MYO16: variants seen among roughly 807,000 people sequenced by gnomAD.
The protein encoded by MYO16 is myosin XVI.
MYO16 carries 94 observed loss-of-function variants against 205.3 expected under a neutral mutation model. That is an observed-to-expected ratio of 0.46 (90% CI 0.39 to 0.54). The LOEUF is 0.54. MYO16 is among the 20% of genes least tolerant of loss of function. The pLI, the probability that MYO16 is intolerant of heterozygous loss-of-function variation, is 0.00. For missense variants in MYO16, 2,315 were observed against 2,387.5 expected (o/e 0.97, Z 0.63); for synonymous variants, 988 against 954.0 (o/e 1.04, Z -0.66).
At chr13:108,819,520 A>G (rs196168) in intron 7 of MYO16, among the ~76,000 whole-genome samples, 141,174 of 152,162 alleles carry the variant, frequency 0.93, 66,453 homozygotes, top group East Asian at 1. Context: ...ATAGAGAGAA[A>G]CATAGTTTTG....
intron 4 of MYO16, among the ~76,000 whole-genome samples, chr13:108,780,275 A>G (rs1886259468): frequency 6.6e-6 from 1 of 151,944 alleles, no homozygotes; most frequent in East Asian, 1.9e-4. Flanking sequence ...ATTTTTTTCA[A>G]ATGTTGGGAA....
rs200290757 is a variant in MYO16 at position 108,635,662 on chromosome 13, G to A, written c.28+5790G>A. Reference sequence around the variant, plus strand: ...ACTACGGGTGCGTGCCACCACACTCGGCTAATTTTTTATTTTTAGTAGAGA... The same window carrying A: ...ACTACGGGTGCGTGCCACCACACTCAGCTAATTTTTTATTTTTAGTAGAGA... On this transcript the variant is annotated intron_variant, in intron 1 of 34. Transcript: ENST00000457511. 1.4e-4 allele frequency among the ~76,000 whole-genome samples: 21 copies of A among 151,772 alleles called. No individual in the cohort carries two copies. In the East Asian group the frequency reaches 2.7e-3, roughly 20 times the overall value.
rs574983014 is a variant in MYO16, at chr13:108,622,390, T to C, written c.-39+26151T>C. Among the ~76,000 whole-genome samples the C allele has an allele frequency of 7.2e-5, 11 of 152,032 alleles. No individual in the cohort carries two copies. The East Asian group carries it at 1.9e-3, about 27-fold the overall frequency. ...GAACCTCAACCAGGTGACCTGACCTTTAGGGAGTGACAGATACAGGATTCA... is the reference window on the plus strand; with the variant it reads ...GAACCTCAACCAGGTGACCTGACCTCTAGGGAGTGACAGATACAGGATTCA... On this transcript the variant is annotated intron_variant, in intron 1 of 24. Coordinates refer to the MYO16 transcript ENST00000251041.
chr13:108,680,330 A>G (rs1290930056), intron 2 of MYO16, among the ~76,000 whole-genome samples: 4 of 152,188 alleles, frequency 2.6e-5, no homozygotes, highest in Non-Finnish European at 5.9e-5. Flanking sequence ...GCAAATTAAC[A>G]TAAGATGTCA....
chr13:108,881,343 A>T (rs1252404595), intron 12 of MYO16, among the ~76,000 whole-genome samples: 2 of 152,200 alleles, frequency 1.3e-5, no homozygotes, highest in Non-Finnish European at 2.9e-5. Context: ...GGGAGAAACC[A>T]GAGCAGAAAA....
intron 16 of MYO16, among the ~76,000 whole-genome samples, chr13:108,955,225 C>T (rs1421229948): frequency 6.6e-6 from 1 of 152,218 alleles, no homozygotes; most frequent in Non-Finnish European, 1.5e-5. Context: ...GGCAGACCTT[C>T]CCTGTGCACC....
At chr13:108,848,620 C>A (rs1352555414) in intron 10 of MYO16, among the ~76,000 whole-genome samples, 1 of 151,996 alleles carries the variant, frequency 6.6e-6, no homozygotes, top group Admixed American at 6.6e-5. Flanking sequence ...GGCAACATAG[C>A]AAAACCCCAT....
chr13:108,873,082 A>G (rs968296799), intron 12 of MYO16, among the ~76,000 whole-genome samples: 1 of 152,088 alleles, frequency 6.6e-6, no homozygotes, highest in Non-Finnish European at 1.5e-5. Context: ...ATTCATTAAA[A>G]CGATCTTGTT....
intron 34 of MYO16, among the ~76,000 whole-genome samples, chr13:109,195,839 TTAA>T (rs1880131131): frequency 6.6e-6 from 1 of 152,182 alleles, no homozygotes; most frequent in South Asian, 2.1e-4. Flanking sequence ...TTTACATTTA[TTAA>T]TATGATCCAC....
At chr13:108,629,315 A>T (rs1378293497), upstream of MYO16, 2 of 152,412 alleles carry the variant, frequency 1.3e-5, no homozygotes, top group Admixed American at 1.3e-4. Context: ...GCAACTAAAA[A>T]TAATCCGCTT....
intron 27 of MYO16, among the ~76,000 whole-genome samples, chr13:109,080,306 A>G (rs1183429302): frequency 6.6e-6 from 1 of 152,226 alleles, no homozygotes; most frequent in Non-Finnish European, 1.5e-5. Context: ...TCTCTGTACA[A>G]AAATTAACAT....
At chr13:109,081,551 G>A (rs1287894656) in intron 27 of MYO16, among the ~76,000 whole-genome samples, 1 of 152,184 alleles carries the variant, frequency 6.6e-6, no homozygotes, top group African/African-American at 2.4e-5. Context: ...AGAGAAAAGA[G>A]TACTTAAGTG....
intron 16 of MYO16, among the ~76,000 whole-genome samples, chr13:108,957,383 CAAAAA>C (rs33954239): frequency 2.1e-5 from 2 of 96,940 alleles, no homozygotes; most frequent in Non-Finnish European, 3.8e-5. Context: ...AACTCCATCT[CAAAAA>C]AAAAAAAAAA....
intron 21 of MYO16, among the ~76,000 whole-genome samples, chr13:108,995,930 C>A (rs1884987272): frequency 6.6e-6 from 1 of 152,164 alleles, no homozygotes; most frequent in African/African-American, 2.4e-5. Context: ...AATCAGGAAG[C>A]AACAGGTGCT....
At chr13:109,101,280 T>C (rs1888958984) in intron 28 of MYO16, 1 of 157,636 alleles carries the variant, frequency 6.3e-6, no homozygotes, top group African/African-American at 2.4e-5. Context: ...AAGTGCATGT[T>C]CAACCTGGAC....
intron 7 of MYO16, among the ~76,000 whole-genome samples, chr13:108,819,333 G>A (rs1021319415): frequency 6.6e-6 from 1 of 152,012 alleles, no homozygotes; most frequent in Non-Finnish European, 1.5e-5. Context: ...AAAATTTCGC[G>A]GTAAGCCATG....
At chr13:109,014,423 T>G (rs1354052397) in intron 22 of MYO16, among the ~76,000 whole-genome samples, 2 of 152,214 alleles carry the variant, frequency 1.3e-5, no homozygotes, top group Admixed American at 6.5e-5. Flanking sequence ...TTGTTCTTTT[T>G]GCTTAGGGTT....
chr13:108,973,348 A>G (rs1884127339), intron 20 of MYO16, among the ~76,000 whole-genome samples: 1 of 152,210 alleles, frequency 6.6e-6, no homozygotes, highest in African/African-American at 2.4e-5. Flanking sequence ...AATGTTTCAA[A>G]GAGAGGTGGA....
rs771442674 is a variant in MYO16 at position 109,140,992 on chromosome 13, A to ACGCCGCCCC, written c.4785_4793dup (p.Pro1600_Pro1602dup). The ACGCCGCCCC allele has an allele frequency of 2.0e-4, 266 of 1,339,704 alleles. No homozygotes were observed. In the African/African-American group the frequency reaches 3.6e-3, roughly 18 times the overall value. 83.0% of individuals were successfully genotyped at this position (1,339,704 alleles called of 1,614,324 possible). ...GTCCGGCCGAGCCTCCCCGCCGTCC[A>ACGCCGCCCC]CGCCGCCCCCGCCCCCGCCCCCGCC... On this transcript the variant is annotated inframe_insertion, in exon 32 of 35. Transcript: ENST00000457511. The surrounding 1 kb of genome is among the most constrained non-coding windows in gnomAD (Gnocchi z 8.0).
Sources: gnomAD v4.1 joint callset for allele counts (sites outside exome capture counted in the v4.1 genomes callset) on GRCh38, gnomAD v4.1.1 for gene constraint, Gnocchi (gnomAD v3.1) non-coding constraint, MANE v1.5 for transcripts, NCBI Gene and HGNC (gene_info 2026-07-23, HGNC 2026-07-21) for gene names.